Variants in ST3GAL3 observed in about 807,000 individuals in gnomAD.
The protein encoded by ST3GAL3 is CMP-N-acetylneuraminate-beta-1,4-galactoside alpha-2,3-sialyltransferase.
In ST3GAL3, 21 loss-of-function variants were observed where a neutral mutation model predicts 50.1. The ratio of observed to expected loss-of-function variants is 0.42; its 90% CI spans 0.30 to 0.60. ST3GAL3 has a LOEUF of 0.60. ST3GAL3 is among the 20% of genes least tolerant of loss of function. The probability of loss-of-function intolerance (pLI) is 0.19; values close to 1 mark genes in which losing one functional copy is unlikely to be tolerated. For missense variants in ST3GAL3, 353 were observed against 489.4 expected (o/e 0.72, Z 2.63); for synonymous variants, 183 against 190.0 (o/e 0.96, Z 0.30).
intron 5 of ST3GAL3, among the ~76,000 whole-genome samples, chr1:43,859,346 C>T (rs916013155): frequency 2.4e-4 from 36 of 152,030 alleles, no homozygotes; most frequent in Non-Finnish European, 1.5e-5. Flanking sequence ...AAGATTGGGG[C>T]TGGGCACGGT....
At chr1:43,756,379 C>G (rs1264429614) in intron 2 of ST3GAL3, among the ~76,000 whole-genome samples, 1 of 151,986 alleles carries the variant, frequency 6.6e-6, no homozygotes, top group Non-Finnish European at 1.5e-5. Context: ...TGTCCTTTAC[C>G]TTGATTGTGA....
In ST3GAL3 at chr1:43,793,015, G is replaced by A. The variant is rs1444916223; in HGVS notation, c.166+866G>A. 7.2e-5 allele frequency among the ~76,000 whole-genome samples: 11 copies of A among 152,090 alleles called. No homozygotes were observed. The South Asian group carries it at 8.3e-4, about 11-fold the overall frequency. On this transcript the variant is annotated intron_variant, in intron 3 of 11. Coordinates refer to ENST00000347631, the MANE Select transcript of ST3GAL3 (RefSeq NM_006279.5). ...TTGAGGGCAGTTAATTCATTTTGCC[G>A]TCCTTAGATATGGTAGATTGATGAT...
intron 5 of ST3GAL3, among the ~76,000 whole-genome samples, chr1:43,883,813 C>G (rs2075548330): frequency 6.6e-6 from 1 of 152,200 alleles, no homozygotes; most frequent in African/African-American, 2.4e-5. Context: ...TGGTTCTCTT[C>G]TCTTCTGTGC....
At chr1:43,869,076 C>A (rs2072012284) in intron 5 of ST3GAL3, among the ~76,000 whole-genome samples, 1 of 152,084 alleles carries the variant, frequency 6.6e-6, no homozygotes, top group Non-Finnish European at 1.5e-5. Context: ...ATGGTTCTTG[C>A]CACTTTCCTG....
intron 5 of ST3GAL3, among the ~76,000 whole-genome samples, chr1:43,864,873 G>A (rs1416862570): frequency 6.6e-6 from 1 of 152,124 alleles, no homozygotes; most frequent in Non-Finnish European, 1.5e-5. Flanking sequence ...AGGGAGAAGA[G>A]CACGCTTATG....
At chr1:43,884,052 T>C (rs961030517) in intron 5 of ST3GAL3, among the ~76,000 whole-genome samples, 7 of 152,232 alleles carry the variant, frequency 4.6e-5, no homozygotes, top group Non-Finnish European at 8.8e-5. Flanking sequence ...CCTGTCTCTA[T>C]CACTAGCTTC....
intron 3 of ST3GAL3, among the ~76,000 whole-genome samples, chr1:43,792,882 C>T (rs2058253780): frequency 2.0e-5 from 3 of 152,178 alleles, no homozygotes; most frequent in South Asian, 4.1e-4. Flanking sequence ...ATGGGAGCCT[C>T]AGAATGACGT....
intron 1 of ST3GAL3, among the ~76,000 whole-genome samples, chr1:43,712,569 A>G (rs574943085): frequency 1.2e-4 from 19 of 152,364 alleles, no homozygotes; most frequent in Admixed American, 9.8e-4. Flanking sequence ...CATTATAACC[A>G]GAAGCAGAAT....
intron 1 of ST3GAL3, among the ~76,000 whole-genome samples, chr1:43,729,442 A>G (rs1674630004): frequency 6.6e-6 from 1 of 152,218 alleles, no homozygotes; most frequent in Non-Finnish European, 1.5e-5. Flanking sequence ...TCAAAATATT[A>G]ATTCCAGTTT....
At chr1:43,734,855 T>A (rs1003833150) in intron 1 of ST3GAL3, among the ~76,000 whole-genome samples, 19 of 152,126 alleles carry the variant, frequency 1.2e-4, no homozygotes, top group African/African-American at 4.6e-4. Flanking sequence ...GGCTGAGATA[T>A]CTGATTGGGT....
At chr1:43,859,375 C>T (rs1161866642) in intron 5 of ST3GAL3, among the ~76,000 whole-genome samples, 1 of 152,082 alleles carries the variant, frequency 6.6e-6, no homozygotes, top group Non-Finnish European at 1.5e-5. Context: ...GCCTGACCGA[C>T]ATGGAGAAAC....
chr1:43,815,961 T>A (rs577734586), intron 4 of ST3GAL3, among the ~76,000 whole-genome samples: 1 of 152,040 alleles, frequency 6.6e-6, no homozygotes, highest in South Asian at 2.1e-4. Flanking sequence ...TACTTTCCTA[T>A]TTGACAAGCA....
intron 9 of ST3GAL3, among the ~76,000 whole-genome samples, chr1:43,915,385 C>A (rs1207665973): frequency 1.3e-5 from 2 of 152,186 alleles, no homozygotes; most frequent in South Asian, 2.1e-4. Context: ...TTAATTCTTA[C>A]AATAGCTTGT....
intron 5 of ST3GAL3, 42 bp from the exon 6 acceptor site, chr1:43,894,341 T>G: frequency 6.3e-7 from 1 of 1,594,802 alleles, no homozygotes; most frequent in South Asian, 1.1e-5. Context: ...TAATCCAGAC[T>G]GTTGCGTTTT....
At chr1:43,872,218 G>T (rs1389549793) in intron 5 of ST3GAL3, among the ~76,000 whole-genome samples, 1 of 86,290 alleles carries the variant, frequency 1.2e-5, no homozygotes, top group Non-Finnish European at 2.4e-5. Flanking sequence ...AGAGGGGTGT[G>T]GGGGGCCGGG....
At chr1:43,824,910 C>T in intron 4 of ST3GAL3, 2 of 728,442 alleles carry the variant, frequency 2.7e-6, no homozygotes, top group Non-Finnish European at 5.1e-6. Context: ...TAATATGCAG[C>T]CAAATTGAGA....
At chr1:43,741,154 C>T (rs1158981167) in intron 2 of ST3GAL3, among the ~76,000 whole-genome samples, 1 of 151,944 alleles carries the variant, frequency 6.6e-6, no homozygotes, top group East Asian at 1.9e-4. Context: ...TAGGGAGACC[C>T]TGTCTCCACA....
At chr1:43,854,279 C>T (rs943951206) in intron 5 of ST3GAL3, among the ~76,000 whole-genome samples, 3 of 152,162 alleles carry the variant, frequency 2.0e-5, no homozygotes, top group African/African-American at 4.8e-5. Context: ...CCTCCACTCT[C>T]GCTTCTCTCC....
Position 43,920,935 on chromosome 1 carries a change from G to A in ST3GAL3, c.1038+7G>A, listed in dbSNP as rs753703868. On this transcript the variant is annotated splice_region_variant and intron_variant, in intron 11 of 11. Transcript: ENST00000347631. ...CATGGCAGCCATCAAAGAGGTTCGG[G>A]GCTGGGTATGGGGGCAATCCCTGGG... 2.8e-5 allele frequency: 45 copies of A among 1,605,522 alleles called. 1 individual carries two copies. Among genetic ancestry groups the A allele is most frequent in the Admixed American group, 5.1e-5 (3 of 58,488 alleles).
Sources: allele counts gnomAD v4.1 joint callset (sites outside exome capture counted in the v4.1 genomes callset), GRCh38; gene constraint gnomAD v4.1.1; transcripts MANE v1.5; gene names NCBI Gene and HGNC (gene_info 2026-07-23, HGNC 2026-07-21).